IGFL2: variants seen among roughly 807,000 people sequenced by gnomAD.
The protein encoded by IGFL2 is insulin growth factor-like family member 2.
IGFL2 carries 7 observed loss-of-function variants against 13.9 expected under a neutral mutation model. That is an observed-to-expected ratio of 0.51 (90% CI 0.29 to 0.95). IGFL2 has a LOEUF of 0.95. Among genes scored for constraint, IGFL2 ranks in the 40% least tolerant of loss-of-function variants. The pLI is 0.08. For missense variants in IGFL2, 138 were observed against 147.8 expected, an observed-to-expected ratio of 0.93 and a Z score of 0.34; for synonymous variants, 55 against 55.8, an observed-to-expected ratio of 0.99 and a Z score of 0.07.
the IGFL2 span, among the ~76,000 whole-genome samples, chr19:46,178,000 C>G: frequency 2.1e-4 from 32 of 152,116 alleles, no homozygotes; most frequent in Non-Finnish European, 3.8e-4. Context: ...AGAGCGTGGC[C>G]GGGTGCGGTG....
the IGFL2 span, chr19:46,124,573 A>AGC: frequency 1.3e-6 from 2 of 1,527,624 alleles, no homozygotes; most frequent in Non-Finnish European, 9.1e-7. Context: ...GAGGTTTGGG[A>AGC]GCTGCACTGG....
At chr19:46,135,551 G>A in the IGFL2 span, among the ~76,000 whole-genome samples, 1 of 152,196 alleles carries the variant, frequency 6.6e-6, no homozygotes, top group Non-Finnish European at 1.5e-5. Flanking sequence ...ACTGAAGTAG[G>A]ACACAAGTTC....
chr19:46,149,250 CTT>C (rs938775439), intron 1 of IGFL2, among the ~76,000 whole-genome samples: 29 of 147,886 alleles, frequency 2.0e-4, no homozygotes, highest in African/African-American at 7.0e-4. Context: ...CTCTCTCTCT[CTT>C]TCTCTTTCCC....
chr19:46,178,007 G>A, the IGFL2 span, among the ~76,000 whole-genome samples: 15 of 152,230 alleles, frequency 9.9e-5, no homozygotes, highest in Admixed American at 5.9e-4. Context: ...GGCCGGGTGC[G>A]GTGGTTCACG....
the IGFL2 span, among the ~76,000 whole-genome samples, chr19:46,193,019 A>C: frequency 6.6e-6 from 1 of 151,918 alleles, no homozygotes; most frequent in African/African-American, 2.4e-5. Context: ...GTGAAATCCT[A>C]TCTCTACTAA....
intron 1 of IGFL2, chr19:46,159,844 T>C (rs1974047729): frequency 6.5e-6 from 1 of 154,544 alleles, no homozygotes; most frequent in Admixed American, 6.4e-5. Context: ...GGCACATGTC[T>C]GTAGTCTCAC....
chr19:46,125,296 C>G, the IGFL2 span, among the ~76,000 whole-genome samples: 3 of 152,160 alleles, frequency 2.0e-5, no homozygotes, highest in African/African-American at 7.2e-5. Context: ...ATTCAGAGAC[C>G]TCCAGCATCT....
the IGFL2 span, among the ~76,000 whole-genome samples, chr19:46,109,520 G>A: frequency 6.6e-6 from 1 of 152,056 alleles, no homozygotes; most frequent in Non-Finnish European, 1.5e-5. Context: ...GTTTCACCAT[G>A]TTAGCCAGGA....
At chr19:46,143,189 T>A (rs1972936312), upstream of IGFL2, 1 of 152,508 alleles carries the variant, frequency 6.6e-6, no homozygotes. Context: ...ACCTTTATGA[T>A]GATCCACTTC....
At chr19:46,083,430 C>T in the IGFL2 span, among the ~76,000 whole-genome samples, 3 of 151,952 alleles carry the variant, frequency 2.0e-5, no homozygotes, top group Non-Finnish European at 2.9e-5. Flanking sequence ...AAGTGTGGTA[C>T]GTGTGTACAT....
the IGFL2 span, among the ~76,000 whole-genome samples, chr19:46,112,705 G>A: frequency 6.6e-6 from 1 of 152,236 alleles, no homozygotes. Flanking sequence ...TGCAGAGGAG[G>A]AGTGGGAGTA....
chr19:46,118,617 G>A, the IGFL2 span, among the ~76,000 whole-genome samples: 1 of 152,200 alleles, frequency 6.6e-6, no homozygotes, highest in Non-Finnish European at 1.5e-5. Flanking sequence ...CTGAACCCTG[G>A]GCAGCCTCAG....
the IGFL2 span, among the ~76,000 whole-genome samples, chr19:46,187,930 A>G: frequency 6.7e-6 from 1 of 150,210 alleles, no homozygotes; most frequent in Non-Finnish European, 1.5e-5. Context: ...ACCCATTTAT[A>G]CCTGAGATCG....
chr19:46,124,779 G>T, the IGFL2 span: 2 of 778,972 alleles, frequency 2.6e-6, no homozygotes, highest in Non-Finnish European at 4.6e-6. Flanking sequence ...CATGCCACCT[G>T]CAGTCTCCCA....
chr19:46,123,996 C>T, the IGFL2 span: 27 of 1,611,422 alleles, frequency 1.7e-5, 1 homozygote, highest in Non-Finnish European at 2.2e-5. Flanking sequence ...GACAGCAGAG[C>T]TCAAAGCAGG....
At chr19:46,090,500 T>C in the IGFL2 span, among the ~76,000 whole-genome samples, 1 of 152,220 alleles carries the variant, frequency 6.6e-6, no homozygotes, top group Non-Finnish European at 1.5e-5. Context: ...GTAAACTGGC[T>C]TTGTCTGGGA....
the IGFL2 span, among the ~76,000 whole-genome samples, chr19:46,098,171 G>C: frequency 6.6e-6 from 1 of 152,320 alleles, no homozygotes; most frequent in African/African-American, 2.4e-5. Flanking sequence ...CTTGTTTTAT[G>C]AATTTGGGTG....
At chr19:46,082,271 A>G in the IGFL2 span, among the ~76,000 whole-genome samples, 1 of 152,192 alleles carries the variant, frequency 6.6e-6, no homozygotes, top group Non-Finnish European at 1.5e-5. Context: ...TAAGACAGTT[A>G]AACTCTCCTG....
chr19:46,178,430 G>T, the IGFL2 span, among the ~76,000 whole-genome samples: 7,337 of 152,160 alleles, frequency 0.048, 262 homozygotes, highest in Non-Finnish European at 0.079. Flanking sequence ...ATAATTCTTT[G>T]ACATATTTTA....
Sources: allele counts gnomAD v4.1 joint callset (sites outside exome capture counted in the v4.1 genomes callset), GRCh38; gene constraint gnomAD v4.1.1; transcripts MANE v1.5; gene names NCBI Gene and HGNC (gene_info 2026-07-23, HGNC 2026-07-21).